The following LMOD3 variants were observed in gnomAD, a reference collection of about 807,000 sequenced individuals.
LMOD3 encodes the protein leiomodin-3.
LMOD3 carries 31 observed loss-of-function variants against 41.8 expected under a neutral mutation model. The ratio of observed to expected loss-of-function variants is 0.74; its 90% CI spans 0.56 to 1.00. The LOEUF (loss-of-function observed/expected upper bound fraction) is 1.00, where lower values mean the gene tolerates loss of function less well. Ranked by LOEUF, LMOD3 falls within the 50% of genes least tolerant of loss-of-function variation. The probability of loss-of-function intolerance (pLI) is 0.00; values close to 1 mark genes in which losing one functional copy is unlikely to be tolerated. For missense variants in LMOD3, 755 were observed against 679.5 expected, an observed-to-expected ratio of 1.11 and a Z score of -1.23; for synonymous variants, 292 against 241.9, an observed-to-expected ratio of 1.21 and a Z score of -1.92.
In LMOD3 at chr3:69,119,307, G is replaced by A. The variant is rs749401069; in HGVS notation, c.1048C>T (p.His350Tyr). 2 of 1,613,970 alleles carry A rather than the reference G, an allele frequency of 1.2e-6. No homozygotes were observed. The highest frequency in any genetic ancestry group is 2.2e-5 in the East Asian group (1 of 44,876). Residue 350 changes from histidine to tyrosine, a missense_variant, in exon 2 of 3, where the codon CAC becomes TAC. Physicochemically the swap from His to Tyr is moderately conservative, Grantham distance 83. Transcript: ENST00000420581. ...ATTTCAGCATGGTGACCCAACATGT[G>A]CCTCTGATTGTGAAACCGAAGCTCA... The part of the protein sequence containing the change: ...LTELRFHNQR[H>Y]MLGHHAEMEI...
rs912463832 is a variant in LMOD3 at position 69,119,509 on chromosome 3, C to T, written c.846G>A (p.Lys282=). 5.0e-6 allele frequency: 8 copies of T among 1,613,942 alleles called. No individual in the cohort carries two copies. Among genetic ancestry groups the T allele is most frequent in the Non-Finnish European group, 5.9e-6 (7 of 1,179,876 alleles). ...LDFVNAMKKN[K]HIKTFSLANV... is the part of the protein sequence containing the mutation. ...TGGCTAAACTGAATGTTTTGATGTGCTTGTTTTTCTTCATTGCATTGACAA... is the reference window on the plus strand; with the variant it reads ...TGGCTAAACTGAATGTTTTGATGTGTTTGTTTTTCTTCATTGCATTGACAA... The change falls in exon 2 of 3, where the codon AAG becomes AAA. Residue 282 remains lysine, a synonymous_variant. Transcript: ENST00000420581.
chr3:69,110,775 A>G (rs150714972), intron 2 of LMOD3, among the ~76,000 whole-genome samples: 7,179 of 141,186 alleles, frequency 0.051, 452 homozygotes, highest in East Asian at 0.26. Flanking sequence ...CCCGGGAGGC[A>G]GAGGTTGCCT....
rs558147857 is a variant in LMOD3, at chr3:69,119,573, T to C, written c.782A>G (p.Asn261Ser). Residue 261 changes from asparagine (N) to serine (S), a missense_variant, in exon 2 of 3, where the codon AAC becomes AGC. Physicochemically the swap from Asn to Ser is conservative, Grantham distance 46. Coordinates refer to ENST00000420581, the MANE Select transcript of LMOD3 (RefSeq NM_198271.5). ...TTCTTTGGGGATGTTTTCAATGTTG[T>C]TCAGGTTGAGTTCCTTCATGTCAGG... ...NDPDMKELNL[N>S]NIENIPKEML... 5 of 1,613,752 alleles carry C rather than the reference T, an allele frequency of 3.1e-6. No individual in the cohort carries two copies. The highest frequency in any genetic ancestry group is 4.2e-6 in the Non-Finnish European group (5 of 1,179,894).
At chr3:69,122,019 C>G (rs2092409791) in intron 1 of LMOD3, 74 bp downstream of exon 1, 2 of 1,238,220 alleles carry the variant, frequency 1.6e-6, no homozygotes, top group Non-Finnish European at 2.2e-6. Flanking sequence ...CTTGAGAAAT[C>G]ACAGTTACAA....
intron 2 of LMOD3, among the ~76,000 whole-genome samples, chr3:69,116,982 C>T (rs1179291651): frequency 6.6e-6 from 1 of 152,192 alleles, no homozygotes; most frequent in Non-Finnish European, 1.5e-5. Context: ...TCTGAATGTA[C>T]AGCCACCAAG....
chr3:69,116,531 T>C (rs1049472934), intron 2 of LMOD3, among the ~76,000 whole-genome samples: 7 of 152,110 alleles, frequency 4.6e-5, no homozygotes, highest in Admixed American at 2.0e-4. Context: ...TAGTTTTGAA[T>C]TGATTAAAAT....
intron 2 of LMOD3, among the ~76,000 whole-genome samples, chr3:69,110,853 A>AAAAAAAAAAAAAAAAATATATAT (rs1458630453): frequency 2.9e-5 from 3 of 104,120 alleles, no homozygotes; most frequent in African/African-American, 4.8e-5. Context: ...AAAAAAAAAA[A>AAAAAAAAAAAAAAAAATATATAT]ATATATATAT....
chr3:69,118,390 T>C (rs1300924144), intron 2 of LMOD3, among the ~76,000 whole-genome samples: 1 of 152,112 alleles, frequency 6.6e-6, no homozygotes, highest in Admixed American at 6.5e-5. Context: ...GTACCTAGCT[T>C]ATAGGGTTAG....
At chr3:69,117,303 C>T (rs1219469006) in intron 2 of LMOD3, among the ~76,000 whole-genome samples, 8 of 152,166 alleles carry the variant, frequency 5.3e-5, no homozygotes, top group East Asian at 1.9e-4. Context: ...GGAATAAGGA[C>T]GATACATATG....
In LMOD3 at chr3:69,111,043, C is replaced by G. The variant is rs758723876; in HGVS notation, c.1657-1922G>C. 1.1e-4 allele frequency among the ~76,000 whole-genome samples: 16 copies of G among 151,834 alleles called. 1 individual carries two copies. The highest frequency in any genetic ancestry group is 1.5e-4 in the Non-Finnish European group (10 of 67,992). On this transcript the variant is annotated intron_variant, in intron 2 of 2. Transcript: ENST00000420581. ...TTAGGAAAGTAACTCATCAACTCAT[C>G]CATCATGTATGTACCTTCCAGAGGA...
chr3:69,122,501 C>T lies in LMOD3; in HGVS notation c.-115G>A. On this transcript the variant is annotated 5_prime_UTR_variant, in exon 1 of 3. In the 5' UTR this introduces an upstream ATG that the reference lacks. Transcript: ENST00000420581. The stretch of plus-strand genomic sequence containing the variant: ...AGTTAACGAGTGTCCCAAGTTAACA[C>T]ACCCTTGAGATATTTTTTTTTTTTT... 6.5e-6 allele frequency: 5 copies of T among 769,606 alleles called. No homozygotes were observed. The highest frequency in any genetic ancestry group is 3.9e-5 in the South Asian group (2 of 50,740). The allele number at this position is 769,606 out of a possible 1,614,324, so 47.7% of individuals were successfully genotyped here. A position where few individuals can be genotyped will look rare whatever the true frequency, so the allele number is the denominator to read the frequency against.
chr3:69,117,622 C>T (rs760654407), intron 2 of LMOD3, among the ~76,000 whole-genome samples: 7 of 152,090 alleles, frequency 4.6e-5, no homozygotes, highest in Non-Finnish European at 7.4e-5. Flanking sequence ...CGGCAGTAAT[C>T]GTGGATCATG....
intron 2 of LMOD3, among the ~76,000 whole-genome samples, chr3:69,111,577 A>T (rs193279059): frequency 1.1e-4 from 17 of 152,286 alleles, no homozygotes; most frequent in African/African-American, 2.9e-4. Flanking sequence ...AAATTTAAAA[A>T]TTTTTTAATT....
intron 2 of LMOD3, among the ~76,000 whole-genome samples, chr3:69,117,854 A>G (rs985088430): frequency 4.6e-5 from 6 of 130,528 alleles, no homozygotes; most frequent in Non-Finnish European, 7.8e-5. Flanking sequence ...TTTTTTTTAG[A>G]TGGAGTCTCG....
At chr3:69,116,324 A>C (rs368860931) in intron 2 of LMOD3, among the ~76,000 whole-genome samples, 15 of 152,234 alleles carry the variant, frequency 9.9e-5, no homozygotes, top group East Asian at 5.8e-4. Context: ...ACATGCAAAC[A>C]GATCTGTCAC....
chr3:69,113,900 G>A (rs1382840860), intron 2 of LMOD3, among the ~76,000 whole-genome samples: 3 of 152,196 alleles, frequency 2.0e-5, no homozygotes, highest in African/African-American at 7.2e-5. Context: ...CCAGCCTAAT[G>A]TCTTTGTGTT....
In LMOD3 at chr3:69,119,502, T is replaced by A; in HGVS notation, c.853A>T (p.Lys285Ter). ...CCCACATTGGCTAAACTGAATGTTT[T>A]GATGTGCTTGTTTTTCTTCATTGCA... is the stretch of plus-strand genomic sequence containing the variant. Reference protein sequence around the residue: ...VNAMKKNKHIKTFSLANVGAD... With the variant: ...VNAMKKNKHI Residue 285 changes from lysine (K) to a stop codon, truncating the protein, a stop_gained, in exon 2 of 3, where the codon AAA (lysine) becomes TAA (stop). Coordinates refer to ENST00000420581, the MANE Select transcript of LMOD3 (RefSeq NM_198271.5). LOFTEE classifies it high-confidence loss of function. The A allele has an allele frequency of 5.0e-6, 8 of 1,614,044 alleles. No individual in the cohort carries two copies. Among genetic ancestry groups the A allele is most frequent in the Non-Finnish European group, 6.8e-6 (8 of 1,179,886 alleles).
Position 69,113,351 on chromosome 3 carries a change from G to A in LMOD3, c.1657-4230C>T, listed in dbSNP as rs977527783. ...GTTCTAGATTATGTGACAAGAGAAA[G>A]AGGAGAAAATTTCCCATTATGTGAT... On this transcript the variant is annotated intron_variant, in intron 2 of 2. Transcript: ENST00000420581. Among the ~76,000 whole-genome samples, 5 of 152,314 alleles carry A rather than the reference G, an allele frequency of 3.3e-5. No homozygotes were observed. The East Asian group carries it at 5.8e-4, about 18-fold the overall frequency.
At position 69,107,473 on chromosome 3, in the gene LMOD3, T is replaced by TGG. The variant is rs2092328369; in HGVS notation, c.*1621_*1622insCC. ...CAAAGGTTTTTTTTTTTTTTTTTTT[T>TGG]TTTTTTTTTTTTTTTTTTTTTGAGA... On this transcript the variant is annotated 3_prime_UTR_variant, in exon 3 of 3. Transcript: ENST00000420581. The TGG allele has an allele frequency of 2.7e-5, 3 of 109,990 alleles. No homozygotes were observed. Among genetic ancestry groups the TGG allele is most frequent in the African/African-American group, 1.1e-4 (3 of 26,740 alleles). 6.8% of individuals were successfully genotyped at this position (109,990 alleles called of 1,614,324 possible).
Sources: allele counts gnomAD v4.1 joint callset (sites outside exome capture counted in the v4.1 genomes callset), GRCh38; gene constraint gnomAD v4.1.1; transcripts MANE v1.5; gene names NCBI Gene and HGNC (gene_info 2026-07-23, HGNC 2026-07-21).